The following WWOX variants were observed in gnomAD, a reference collection of about 807,000 sequenced individuals.
WWOX encodes WW domain containing oxidoreductase.
WWOX carries 69 observed loss-of-function variants against 46.2 expected under a neutral mutation model. That is an observed-to-expected ratio of 1.49 (90% CI 1.23 to 1.82). WWOX has a LOEUF of 1.82. Ranked by LOEUF, WWOX falls within the 40% of genes most tolerant of loss-of-function variation. WWOX has a pLI of 0.00. For synonymous variants in WWOX, 359 were observed against 202.6 expected (o/e 1.77, Z -6.56); for missense variants, 919 against 542.6 (o/e 1.69, Z -6.89).
chr16:78,617,977 T>A (rs1318992846), intron 8 of WWOX, among the ~76,000 whole-genome samples: 1 of 152,246 alleles, frequency 6.6e-6, no homozygotes, highest in Non-Finnish European at 1.5e-5. Flanking sequence ...ATCATTCATA[T>A]GAATAATGTT....
chr16:78,884,493 G>C (rs977448623), intron 8 of WWOX, among the ~76,000 whole-genome samples: 13 of 152,156 alleles, frequency 8.5e-5, no homozygotes, highest in Non-Finnish European at 7.4e-5. Context: ...ATCCACACAA[G>C]AGGAGACTAC....
At chr16:78,680,161 G>T (rs973577688) in intron 8 of WWOX, among the ~76,000 whole-genome samples, 1 of 152,230 alleles carries the variant, frequency 6.6e-6, no homozygotes, top group Non-Finnish European at 1.5e-5. Flanking sequence ...TGTAATCCCA[G>T]CACTGAGGGA....
chr16:78,363,116 C>T (rs1168681289), intron 5 of WWOX, among the ~76,000 whole-genome samples: 1 of 152,016 alleles, frequency 6.6e-6, no homozygotes, highest in East Asian at 1.9e-4. Flanking sequence ...AAACATCTTT[C>T]CGTCCAGTGG....
At chr16:78,358,386 A>C (rs1050240283) in intron 5 of WWOX, among the ~76,000 whole-genome samples, 1 of 152,214 alleles carries the variant, frequency 6.6e-6, no homozygotes, top group Non-Finnish European at 1.5e-5. Context: ...AGCCAAGTGC[A>C]GTGGCTTACA....
chr16:78,125,940 A>C (rs1438299782), intron 4 of WWOX, among the ~76,000 whole-genome samples: 1 of 152,140 alleles, frequency 6.6e-6, no homozygotes, highest in Non-Finnish European at 1.5e-5. Context: ...AAAGCGAAGA[A>C]AAATAAAAAT....
rs1013378464 is a variant in WWOX at position 78,919,529 on chromosome 16, T to G, written c.1057-292079T>G. 8.5e-4 allele frequency among the ~76,000 whole-genome samples: 127 copies of G among 150,186 alleles called. 2 individuals carry two copies. The highest frequency in any genetic ancestry group is 1.5e-3 in the Non-Finnish European group (99 of 67,556). On this transcript the variant is annotated intron_variant, in intron 8 of 8. Transcript: ENST00000566780. ...TTCTTTTATCTTTTTGTTTTGTTTT[T>G]TTTTTTTTTGAGGGAGTCTTGCTCT...
intron 5 of WWOX, among the ~76,000 whole-genome samples, chr16:78,246,498 A>G (rs1365255565): frequency 6.6e-6 from 1 of 152,244 alleles, no homozygotes; most frequent in Non-Finnish European, 1.5e-5. Flanking sequence ...AGCCCAAGGC[A>G]TCTTTCAGTG....
rs1340338151 is a variant in WWOX at position 78,345,444 on chromosome 16, A to G, written c.517-41416A>G. ...GAGACCAGCCTGAGCACCATGGCAAAACCCCATCGCTACCAAAAAAAAAAA... is the reference window on the plus strand; with the variant it reads ...GAGACCAGCCTGAGCACCATGGCAAGACCCCATCGCTACCAAAAAAAAAAA... On this transcript the variant is annotated intron_variant, in intron 5 of 8. Transcript: ENST00000566780. Among the ~76,000 whole-genome samples, 2 of 79,662 alleles carry G rather than the reference A, an allele frequency of 2.5e-5. 1 individual carries two copies. Among genetic ancestry groups the G allele is most frequent in the African/African-American group, 8.5e-5 (2 of 23,570 alleles). The allele number at this position is 79,662 out of a possible 152,430, so 52.3% of individuals were successfully genotyped here.
chr16:78,628,006 A>G (rs1424446784), intron 8 of WWOX, among the ~76,000 whole-genome samples: 2 of 152,222 alleles, frequency 1.3e-5, no homozygotes, highest in Non-Finnish European at 1.5e-5. Flanking sequence ...CCTCAGGACC[A>G]GGGGTGAAGA....
intron 8 of WWOX, among the ~76,000 whole-genome samples, chr16:78,902,821 G>C (rs2044863681): frequency 1.3e-5 from 2 of 152,156 alleles, no homozygotes; most frequent in African/African-American, 4.8e-5. Flanking sequence ...CTTAGCCTTA[G>C]TGGGCCTGGT....
At chr16:78,869,388 G>C (rs1215511553) in intron 8 of WWOX, among the ~76,000 whole-genome samples, 2 of 152,128 alleles carry the variant, frequency 1.3e-5, no homozygotes, top group Non-Finnish European at 1.5e-5. Flanking sequence ...ACTCAAAATG[G>C]TTTTTATGGA....
chr16:78,856,356 G>C (rs890729592), intron 8 of WWOX, among the ~76,000 whole-genome samples: 3 of 152,154 alleles, frequency 2.0e-5, no homozygotes, highest in African/African-American at 4.8e-5. Context: ...AAGTTGAATA[G>C]ATCTAGCCTG....
intron 8 of WWOX, among the ~76,000 whole-genome samples, chr16:78,557,766 G>C (rs1334621532): frequency 1.4e-5 from 2 of 145,466 alleles, no homozygotes; most frequent in Non-Finnish European, 3.0e-5. Context: ...CGCGATGTCA[G>C]CTCACTGCAA....
At chr16:78,613,989 C>T (rs1026850291) in intron 8 of WWOX, among the ~76,000 whole-genome samples, 1 of 152,164 alleles carries the variant, frequency 6.6e-6, no homozygotes, top group Non-Finnish European at 1.5e-5. Flanking sequence ...GTTGGCAGAG[C>T]TCAGTAGTCA....
chr16:78,915,272 A>T (rs1370035960), intron 8 of WWOX, among the ~76,000 whole-genome samples: 3 of 152,204 alleles, frequency 2.0e-5, no homozygotes, highest in Non-Finnish European at 4.4e-5. Flanking sequence ...CAGTCATGAA[A>T]CAGAGAATCT....
chr16:78,949,927 C>T (rs1472076843), intron 8 of WWOX, among the ~76,000 whole-genome samples: 6 of 152,150 alleles, frequency 3.9e-5, no homozygotes, highest in African/African-American at 1.4e-4. Flanking sequence ...TTATTGTATT[C>T]CAGGTAAAGG....
chr16:78,366,508 G>T (rs1049508761), intron 5 of WWOX, among the ~76,000 whole-genome samples: 2 of 152,172 alleles, frequency 1.3e-5, no homozygotes, highest in Non-Finnish European at 1.5e-5. Context: ...TTATAAGACT[G>T]TTAGACTTCA....
At chr16:79,032,975 T>C (rs2047794859) in intron 8 of WWOX, among the ~76,000 whole-genome samples, 1 of 151,630 alleles carries the variant, frequency 6.6e-6, no homozygotes, top group Non-Finnish European at 1.5e-5. Flanking sequence ...TGTGTCTATG[T>C]GCTCTCATCA....
chr16:78,482,781 G>A (rs753580719), intron 8 of WWOX, among the ~76,000 whole-genome samples: 3 of 152,156 alleles, frequency 2.0e-5, no homozygotes, highest in Non-Finnish European at 2.9e-5. Flanking sequence ...GAGAGTCAAC[G>A]ATAAGACGCA....
Sources: gnomAD v4.1 joint callset for allele counts (sites outside exome capture counted in the v4.1 genomes callset) on GRCh38, gnomAD v4.1.1 for gene constraint, MANE v1.5 for transcripts, NCBI Gene and HGNC (gene_info 2026-07-23, HGNC 2026-07-21) for gene names.